The following AXIN2 variants were observed in gnomAD, a reference collection of about 807,000 sequenced individuals.
AXIN2 encodes the protein axin 2.
Under a neutral mutation model 74.7 loss-of-function variants are expected in AXIN2, and 21 were observed. The observed-to-expected ratio is 0.28, with a 90% confidence interval of 0.20 to 0.40. AXIN2 has a LOEUF of 0.40. Ranked by LOEUF, AXIN2 falls within the 10% of genes least tolerant of loss-of-function variation. The probability of loss-of-function intolerance (pLI) is 1.00; values close to 1 mark genes in which losing one functional copy is unlikely to be tolerated. For missense variants in AXIN2, 1,144 were observed against 1,111.1 expected, an observed-to-expected ratio of 1.03 and a Z score of -0.42; for synonymous variants, 532 against 454.9, an observed-to-expected ratio of 1.17 and a Z score of -2.16.
At chr17:65,552,475 A>G (rs1462340465) in intron 2 of AXIN2, among the ~76,000 whole-genome samples, 2 of 152,174 alleles carry the variant, frequency 1.3e-5, no homozygotes, top group African/African-American at 4.8e-5. Flanking sequence ...GTTGTTAGGA[A>G]TCCAGTGATG....
intron 3 of AXIN2, among the ~76,000 whole-genome samples, chr17:65,543,248 A>T (rs1307170949): frequency 2.0e-5 from 3 of 152,232 alleles, no homozygotes; most frequent in Non-Finnish European, 2.9e-5. Context: ...AAGGATTCGC[A>T]GCAGCTGGCT....
chr17:65,543,592 G>A (rs1265401522), intron 3 of AXIN2, among the ~76,000 whole-genome samples: 1 of 152,156 alleles, frequency 6.6e-6, no homozygotes, highest in Admixed American at 6.5e-5. Flanking sequence ...AGCTCACCTA[G>A]TGTTACAGTC....
chr17:65,537,788 C>A lies in AXIN2; in HGVS notation c.1248G>T (p.Gly416=), dbSNP rs1250361702. The part of the protein sequence containing the change: ...GSELTLNSRE[G]APTQHPLSLL... ...GGGAGAGGGGGTGCTGCGTGGGCGC[C>A]CCCTCCCGCGAATTGAGTGTGAGCT... The change falls in exon 6 of 11, where the codon GGG becomes GGT. Residue 416 remains glycine (G), a synonymous_variant. Transcript: ENST00000307078. The A allele has an allele frequency of 6.3e-7, 1 of 1,588,286 alleles. No homozygotes were observed. Among genetic ancestry groups the A allele is most frequent in the African/African-American group, 1.3e-5 (1 of 74,266 alleles).
At position 65,537,614 on chromosome 17, in the gene AXIN2, ATGGTGGTGG is replaced by A. The variant is rs570443161; in HGVS notation, c.1413_1421del (p.His472_His474del). On this transcript the variant is annotated inframe_deletion, in exon 6 of 11. Coordinates refer to ENST00000307078, the MANE Select transcript of AXIN2 (RefSeq NM_004655.4). ...GCGGGAGCAGGGAGTGGTACTGCGA[ATGGTGGTGG>A]TGGTGGTGGTCCGGGGAGCGGGAGC... 5 of 1,580,654 alleles carry A rather than the reference ATGGTGGTGG, an allele frequency of 3.2e-6. No individual in the cohort carries two copies. Among genetic ancestry groups the A allele is most frequent in the Non-Finnish European group, 4.3e-6 (5 of 1,160,966 alleles).
intron 4 of AXIN2, among the ~76,000 whole-genome samples, chr17:65,539,806 G>A (rs182620782): frequency 6.9e-4 from 105 of 152,332 alleles, no homozygotes; most frequent in Non-Finnish European, 4.0e-4. Flanking sequence ...CCTGCTGTGA[G>A]CTGGGTGCTT....
intron 2 of AXIN2, among the ~76,000 whole-genome samples, chr17:65,552,780 G>C (rs927535494): frequency 2.6e-5 from 4 of 152,184 alleles, no homozygotes; most frequent in African/African-American, 9.7e-5. Flanking sequence ...TATAATCCCA[G>C]CACTTTGGGA....
At chr17:65,536,783 G>C (rs974964172) in intron 7 of AXIN2, 86 bp downstream of exon 7, 2 of 1,563,900 alleles carry the variant, frequency 1.3e-6, no homozygotes, top group Admixed American at 1.7e-5. Flanking sequence ...TGTATTCCGC[G>C]GACTGCAAAA....
intron 3 of AXIN2, among the ~76,000 whole-genome samples, chr17:65,546,979 A>G (rs1181022145): frequency 6.6e-6 from 1 of 152,084 alleles, no homozygotes; most frequent in Non-Finnish European, 1.5e-5. Flanking sequence ...ACCTCACTGA[A>G]CTACACACTA....
chr17:65,555,051 G>A (rs1033305033), intron 2 of AXIN2, among the ~76,000 whole-genome samples: 1 of 152,098 alleles, frequency 6.6e-6, no homozygotes, highest in African/African-American at 2.4e-5. Flanking sequence ...GCCCTCTGAG[G>A]ATAATTCCTG....
rs1165276318 is a variant in AXIN2 at position 65,536,424 on chromosome 17, G to C, written c.2037C>G (p.Phe679Leu). Residue 679 changes from phenylalanine (F) to leucine (L), a missense_variant, in exon 8 of 11, where the codon TTC (phenylalanine) becomes TTG (leucine). Phe to Leu is a conservative substitution (Grantham distance 22). Transcript: ENST00000307078. The part of the protein sequence containing the change: ...HPRTTPRAHL[F>L]TQDPAMPPLT... ...GGGGAGGCATCGCAGGGTCCTGGGT[G>C]AACAGGTGGGCACGGGGGGTGGTGC... is the stretch of plus-strand genomic sequence containing the variant. 2 of 1,613,808 alleles carry C rather than the reference G, an allele frequency of 1.2e-6. No homozygotes were observed. Among genetic ancestry groups the C allele is most frequent in the Non-Finnish European group, 8.5e-7 (1 of 1,179,994 alleles).
rs749191651 is a variant in AXIN2, at chr17:65,536,859, C to T, written c.1907+10G>A. 28 of 1,612,762 alleles carry T rather than the reference C, an allele frequency of 1.7e-5. No individual in the cohort carries two copies. The highest frequency in any genetic ancestry group is 2.4e-5 in the Non-Finnish European group (28 of 1,179,900). On this transcript the variant is annotated intron_variant, in intron 7 of 10. Transcript: ENST00000307078. ...CCCTCGCGGCCGCGGCGGCGGCAAG[C>T]GGTGTTTACCTATGGGGCTTGGGCT...
At chr17:65,556,195 G>A (rs1366508064) in intron 2 of AXIN2, among the ~76,000 whole-genome samples, 1 of 152,192 alleles carries the variant, frequency 6.6e-6, no homozygotes, top group African/African-American at 2.4e-5. Flanking sequence ...CACACACTGT[G>A]CTATTTACGA....
intron 8 of AXIN2, 32 bp downstream of exon 8, chr17:65,536,288 G>A (rs1203451513): frequency 1.3e-6 from 2 of 1,573,664 alleles, no homozygotes; most frequent in Non-Finnish European, 1.7e-6. Context: ...CCCAATCCCT[G>A]CCTCAACCTA....
chr17:65,549,403 C>T (rs1330467161), intron 3 of AXIN2, 117 bp downstream of exon 3: 13 of 1,281,224 alleles, frequency 1.0e-5, no homozygotes, highest in Non-Finnish European at 1.4e-5. Flanking sequence ...AACTGATGTC[C>T]ATACATGCAC....
intron 2 of AXIN2, among the ~76,000 whole-genome samples, 154 bp from the exon 3 acceptor site, chr17:65,549,814 G>A (rs1348362180): frequency 6.6e-6 from 1 of 152,096 alleles, no homozygotes. Flanking sequence ...AGAAAGCAGG[G>A]GCCACAAAAG....
intron 10 of AXIN2, among the ~76,000 whole-genome samples, chr17:65,531,497 G>GA (rs924311314): frequency 6.6e-6 from 1 of 151,798 alleles, no homozygotes; most frequent in African/African-American, 2.4e-5. Flanking sequence ...ACAGTGGGGG[G>GA]AAAAGTCACT....
chr17:65,560,666 TGCCCG>T (rs2144604160), intron 1 of AXIN2: 1 of 151,850 alleles, frequency 6.6e-6, no homozygotes, highest in Non-Finnish European at 1.5e-5. Flanking sequence ...CGCGCAAGGC[TGCCCG>T]GCCAAGCCCC....
Position 65,529,643 on chromosome 17 carries a change from G to GT in AXIN2, c.*332dup, listed in dbSNP as rs2043783507. 2.3e-6 allele frequency: 1 copy of GT among 440,792 alleles called. No individual in the cohort carries two copies. The allele number at this position is 440,792 out of a possible 1,614,324, so 27.3% of individuals were successfully genotyped here. ...TTCCTGTTCAGGTAAGCTATACACA[G>GT]TTTCTCTTAGTTTATGGATTTCAGA... On this transcript the variant is annotated 3_prime_UTR_variant, in exon 11 of 11. Transcript: ENST00000307078.
At position 65,537,753 on chromosome 17, in the gene AXIN2, G is replaced by A; in HGVS notation, c.1283C>T (p.Ser428Phe). 1 of 1,578,770 alleles carries A rather than the reference G, an allele frequency of 6.3e-7. No individual in the cohort carries two copies. Among genetic ancestry groups the A allele is most frequent in the African/African-American group, 1.3e-5 (1 of 74,318 alleles). The change falls in exon 6 of 11, where the codon TCC becomes TTC. Residue 428 changes from serine to phenylalanine, a missense_variant. Around this residue, in one of 4 missense-constraint regions of AXIN2, gnomAD observed 1,053 missense variants for 973.5 expected, o/e 1.08. Transcript: ENST00000307078. ...PTQHPLSLLP[S>F]GSYEEDPQTI... The stretch of plus-strand genomic sequence containing the variant: ...CTGCGGGTCTTCCTCGTAGCTGCCG[G>A]AGGGCAGTAGGGAGAGGGGGTGCTG...
Sources: gnomAD v4.1 joint callset for allele counts (sites outside exome capture counted in the v4.1 genomes callset) on GRCh38, gnomAD v4.1.1 for gene constraint, gnomAD v4.1.1 regional missense constraint, MANE v1.5 for transcripts, NCBI Gene and HGNC (gene_info 2026-07-23, HGNC 2026-07-21) for gene names.